The following FNDC3B variants were observed in gnomAD, a reference collection of about 807,000 sequenced individuals.
FNDC3B encodes fibronectin type III domain-containing protein 3B.
A neutral mutation model predicts 151.5 loss-of-function variants in FNDC3B; 12 were observed. The ratio of observed to expected loss-of-function variants is 0.08; its 90% CI spans 0.05 to 0.13. The LOEUF is 0.13. Among genes scored for constraint, FNDC3B ranks in the 10% least tolerant of loss-of-function variants. The pLI is 1.00. For missense variants in FNDC3B, 1,214 were observed against 1,505.3 expected (o/e 0.81, Z 3.20); for synonymous variants, 528 against 549.0 (o/e 0.96, Z 0.54).
chr3:172,341,222 A>G lies in FNDC3B; in HGVS notation c.1962A>G (p.Gly654=), dbSNP rs772347247. 1.2e-6 allele frequency: 2 copies of G among 1,613,598 alleles called. No homozygotes were observed. Among genetic ancestry groups the G allele is most frequent in the South Asian group, 1.1e-5 (1 of 91,076 alleles). Residue 654 remains glycine, a synonymous_variant, in exon 17 of 26, where the codon GGA becomes GGG. Transcript: ENST00000415807. The part of the protein sequence containing the change: ...KLRACCISTG[G]HSQCSESLPV... ...GAGCATGCTGCATCAGTACCGGCGG[A>G]CACAGCCAGGTTGGTTTTGTTTCCA... is the stretch of plus-strand genomic sequence containing the variant.
intron 1 of FNDC3B, among the ~76,000 whole-genome samples, chr3:172,053,796 AT>A (rs1270058622): frequency 3.4e-5 from 5 of 146,640 alleles, no homozygotes; most frequent in African/African-American, 7.4e-5. Context: ...AAAAAAAAAA[AT>A]CTTCTTTTGA....
At chr3:172,232,092 G>T (rs1726923367) in intron 4 of FNDC3B, among the ~76,000 whole-genome samples, 1 of 151,832 alleles carries the variant, frequency 6.6e-6, no homozygotes, top group Non-Finnish European at 1.5e-5. Context: ...TGTTGGTCAG[G>T]CTGGTCTCAA....
At chr3:172,139,151 T>C (rs1048972599) in intron 3 of FNDC3B, among the ~76,000 whole-genome samples, 1 of 152,162 alleles carries the variant, frequency 6.6e-6, no homozygotes, top group Admixed American at 6.6e-5. Flanking sequence ...TTTCCTTATG[T>C]GATACTTTTG....
intron 3 of FNDC3B, among the ~76,000 whole-genome samples, chr3:172,181,104 C>CATTTGACATTTTAAAAAG (rs75568561): frequency 6.6e-6 from 1 of 151,942 alleles, no homozygotes; most frequent in Non-Finnish European, 1.5e-5. Flanking sequence ...TAGATATATT[C>CATTTGACATTTTAAAAAG]TAAGATGACA....
chr3:172,297,663 A>G (rs1451044494), intron 8 of FNDC3B, among the ~76,000 whole-genome samples: 6 of 152,008 alleles, frequency 3.9e-5, no homozygotes, highest in Non-Finnish European at 4.4e-5. Context: ...TTTAGTAGAG[A>G]CGGGGTTTCA....
intron 3 of FNDC3B, among the ~76,000 whole-genome samples, chr3:172,155,191 ACTGT>A (rs1307540255): frequency 6.6e-6 from 1 of 152,186 alleles, no homozygotes; most frequent in Non-Finnish European, 1.5e-5. Context: ...GAATGTGGAG[ACTGT>A]CTGACTTAGA....
At chr3:172,177,374 G>T (rs1723649577) in intron 3 of FNDC3B, among the ~76,000 whole-genome samples, 1 of 152,140 alleles carries the variant, frequency 6.6e-6, no homozygotes, top group Admixed American at 6.5e-5. Flanking sequence ...TGCTTAGATA[G>T]AAGTTGCAAC....
chr3:172,175,587 G>A (rs983173112), intron 3 of FNDC3B, among the ~76,000 whole-genome samples: 2 of 152,120 alleles, frequency 1.3e-5, no homozygotes, highest in African/African-American at 4.8e-5. Context: ...AATTTCTTGA[G>A]TTCTTTTTAT....
intron 1 of FNDC3B, among the ~76,000 whole-genome samples, chr3:172,104,507 A>AT (rs1407397560): frequency 6.7e-6 from 1 of 149,976 alleles, no homozygotes; most frequent in Non-Finnish European, 1.5e-5. Context: ...ACTTAATTTG[A>AT]TTTTTTAAAA....
At chr3:172,046,781 A>C (rs1239153961) in intron 1 of FNDC3B, 1 of 152,188 alleles carries the variant, frequency 6.6e-6, no homozygotes, top group African/African-American at 2.4e-5. Flanking sequence ...ATTCTATTTG[A>C]GCTTAAAATG....
At chr3:172,206,624 A>T (rs1255091181) in intron 3 of FNDC3B, among the ~76,000 whole-genome samples, 12 of 131,620 alleles carry the variant, frequency 9.1e-5, no homozygotes, top group Non-Finnish European at 1.6e-4. Context: ...GCACCATTGC[A>T]TTCCAGCCTG....
intron 6 of FNDC3B, among the ~76,000 whole-genome samples, chr3:172,266,588 G>A (rs192755967): frequency 4.7e-4 from 72 of 152,322 alleles, no homozygotes; most frequent in African/African-American, 1.7e-3. Flanking sequence ...TGGTAGGCCC[G>A]AGCTCCCTCC....
At chr3:172,379,996 G>A (rs1735356124) in intron 24 of FNDC3B, among the ~76,000 whole-genome samples, 1 of 152,060 alleles carries the variant, frequency 6.6e-6, no homozygotes, top group Non-Finnish European at 1.5e-5. Flanking sequence ...TAATCTGATA[G>A]GCTTCCTTAT....
intron 1 of FNDC3B, among the ~76,000 whole-genome samples, chr3:172,081,594 G>A (rs1169483151): frequency 1.3e-5 from 2 of 152,072 alleles, no homozygotes; most frequent in African/African-American, 4.8e-5. Flanking sequence ...ATAAGGCATC[G>A]ACTTGATAGA....
intron 6 of FNDC3B, among the ~76,000 whole-genome samples, chr3:172,263,489 C>G (rs1193615460): frequency 6.6e-6 from 1 of 150,380 alleles, no homozygotes; most frequent in Non-Finnish European, 1.5e-5. Flanking sequence ...CCAAGGAACT[C>G]TGTAATATAC....
chr3:172,086,214 G>A (rs1375520074), intron 1 of FNDC3B, among the ~76,000 whole-genome samples: 6 of 152,070 alleles, frequency 3.9e-5, no homozygotes, highest in Admixed American at 3.9e-4. Context: ...TTAAAAATTA[G>A]CTGGGTATGG....
chr3:172,198,520 T>G lies in FNDC3B; in HGVS notation c.188-28351T>G, dbSNP rs147105645. Among the ~76,000 whole-genome samples the G allele has an allele frequency of 1.8e-3, 267 of 152,304 alleles. 3 individuals are homozygous for G. The highest frequency in any genetic ancestry group is 6.1e-3 in the African/African-American group (255 of 41,556). ...CTAATTCTTTCTATATTTGTAAAAC[T>G]TCTACCATTTCTATGACAGAAATCT... On this transcript the variant is annotated intron_variant, in intron 3 of 25. Transcript: ENST00000415807.
intron 1 of FNDC3B, among the ~76,000 whole-genome samples, chr3:172,108,612 T>A (rs1328816141): frequency 6.6e-6 from 1 of 152,192 alleles, no homozygotes; most frequent in Non-Finnish European, 1.5e-5. Context: ...GACTATAGAG[T>A]GATGACTGCT....
intron 3 of FNDC3B, among the ~76,000 whole-genome samples, chr3:172,160,271 G>A (rs938892360): frequency 2.6e-5 from 4 of 152,276 alleles, no homozygotes; most frequent in African/African-American, 9.6e-5. Context: ...GTGCTCACTG[G>A]GCCTTGCCTG....
Sources: allele counts gnomAD v4.1 joint callset (sites outside exome capture counted in the v4.1 genomes callset), GRCh38; gene constraint gnomAD v4.1.1; transcripts MANE v1.5; gene names NCBI Gene and HGNC (gene_info 2026-07-23, HGNC 2026-07-21).